PTPRN2: variants seen among roughly 807,000 people sequenced by gnomAD.
PTPRN2 encodes the protein protein tyrosine phosphatase receptor type N2, also known as receptor-type tyrosine-protein phosphatase N2.
A neutral mutation model predicts 118.8 loss-of-function variants in PTPRN2; 74 were observed. The observed-to-expected ratio is 0.62, with a 90% CI of 0.52 to 0.76. The LOEUF is 0.76. Ranked by LOEUF, PTPRN2 falls within the 30% of genes least tolerant of loss-of-function variation. The probability of loss-of-function intolerance (pLI) is 0.00; values close to 1 mark genes in which losing one functional copy is unlikely to be tolerated. For missense variants in PTPRN2, 1,481 were observed against 1,394.4 expected, an observed-to-expected ratio of 1.06 and a Z score of -0.99; for synonymous variants, 641 against 608.0, an observed-to-expected ratio of 1.05 and a Z score of -0.80.
chr7:158,489,337 C>T (rs1044255835), intron 2 of PTPRN2, among the ~76,000 whole-genome samples: 29 of 152,240 alleles, frequency 1.9e-4, no homozygotes, highest in African/African-American at 7.0e-4. Context: ...ATCCCAGCTA[C>T]TCAGGAGGCT....
chr7:158,407,199 GGGTCCTGGGTCCTGC>G (rs1813575887), intron 2 of PTPRN2, among the ~76,000 whole-genome samples: 1 of 29,458 alleles, frequency 3.4e-5, no homozygotes. Flanking sequence ...CCTGGGTCCT[GGGTCCTGGGTCCTGC>G]GTCCTGCGTC....
rs111815472 is a variant in PTPRN2 at position 157,690,377 on chromosome 7, T to C, written c.1789-7440A>G. 6.6e-6 allele frequency among the ~76,000 whole-genome samples: 1 copy of C among 152,138 alleles called. No individual in the cohort carries two copies. Among genetic ancestry groups the C allele is most frequent in the Non-Finnish European group, 1.5e-5 (1 of 68,002 alleles). On this transcript the variant is annotated intron_variant, in intron 12 of 22. Coordinates refer to ENST00000389418, the MANE Select transcript of PTPRN2 (RefSeq NM_002847.5). The surrounding 1 kb of genome is among the most constrained non-coding windows in gnomAD (Gnocchi z 7.1). ...CCCTAGTTGCCCGTTAGAGCCCCCA[T>C]GCGCGCCCTCCAGCCTTCGAAAGCT... is the stretch of plus-strand genomic sequence containing the variant.
intron 2 of PTPRN2, among the ~76,000 whole-genome samples, chr7:158,321,168 C>T (rs1008044377): frequency 5.5e-4 from 84 of 152,254 alleles, no homozygotes; most frequent in African/African-American, 2.0e-3. Context: ...AAGCTCCCAC[C>T]AGTCCAGGCT....
chr7:158,571,196 T>C (rs1314872976), intron 1 of PTPRN2, among the ~76,000 whole-genome samples: 1 of 152,184 alleles, frequency 6.6e-6, no homozygotes, highest in Non-Finnish European at 1.5e-5. Flanking sequence ...GAAAAGCACC[T>C]ATTTCTGGCC....
At chr7:158,010,913 G>C (rs1805999822) in intron 11 of PTPRN2, among the ~76,000 whole-genome samples, 1 of 152,216 alleles carries the variant, frequency 6.6e-6, no homozygotes, top group Admixed American at 6.5e-5. Flanking sequence ...GATGGTCCCA[G>C]GTGGGCAGGG....
intron 17 of PTPRN2, among the ~76,000 whole-genome samples, chr7:157,584,568 A>G (rs1022280004): frequency 1.3e-5 from 2 of 152,272 alleles, no homozygotes; most frequent in African/African-American, 2.4e-5. Context: ...AGCGGTTGCC[A>G]TGAAGATGCA....
chr7:158,376,445 G>T (rs1296017475), intron 2 of PTPRN2, among the ~76,000 whole-genome samples: 1 of 146,136 alleles, frequency 6.8e-6, no homozygotes, highest in Non-Finnish European at 1.5e-5. Context: ...GGGGTTCAGG[G>T]GACTCTCCCA....
chr7:158,146,008 A>G (rs553459020), intron 6 of PTPRN2, among the ~76,000 whole-genome samples: 6 of 152,188 alleles, frequency 3.9e-5, no homozygotes, highest in Admixed American at 6.5e-5. Flanking sequence ...ATAAATTATA[A>G]CTATTATCAT....
chr7:157,748,203 G>GCGGAGTGTC (rs1801138926), intron 12 of PTPRN2, among the ~76,000 whole-genome samples: 1 of 147,946 alleles, frequency 6.8e-6, no homozygotes. Context: ...TCCCTGAGCT[G>GCGGAGTGTC]TGAGCTGTTG....
intron 14 of PTPRN2, among the ~76,000 whole-genome samples, chr7:157,649,463 G>C (rs1318503377): frequency 6.9e-6 from 1 of 144,460 alleles, no homozygotes; most frequent in African/African-American, 2.5e-5. Context: ...CCCATCTAGC[G>C]TGCACTGAAC....
chr7:158,107,146 T>C (rs556379012), intron 10 of PTPRN2, among the ~76,000 whole-genome samples: 27 of 152,184 alleles, frequency 1.8e-4, no homozygotes, highest in African/African-American at 6.3e-4. Context: ...CCCCCTTCTC[T>C]TCCCTTACCT....
Position 157,581,767 on chromosome 7 carries a change from G to T in PTPRN2, c.2497-3627C>A, listed in dbSNP as rs974884501. ...GCTTATATTGACGTCCTAATCCCTGGTATCTATGAATGTGGCCTTATTTGG... is the reference window on the plus strand; with the variant it reads ...GCTTATATTGACGTCCTAATCCCTGTTATCTATGAATGTGGCCTTATTTGG... On this transcript the variant is annotated intron_variant, in intron 17 of 22. Coordinates refer to ENST00000389418, the MANE Select transcript of PTPRN2 (RefSeq NM_002847.5). 2.0e-5 allele frequency among the ~76,000 whole-genome samples: 3 copies of T among 152,264 alleles called. No individual in the cohort carries two copies. In the South Asian group the frequency reaches 6.2e-4, roughly 31 times the overall value.
rs1796386607 is a variant in PTPRN2 at position 157,671,067 on chromosome 7, TG to T, written c.2001+11657del. On this transcript the variant is annotated intron_variant, in intron 13 of 22. Transcript: ENST00000389418. The surrounding 1 kb of genome is among the most constrained non-coding windows in gnomAD (Gnocchi z 4.1). ...CGGGCAGGACTCTGGACCTGAGAAT[TG>T]CACAGGATGGTTTCCAAGAGGGTTT... is the stretch of plus-strand genomic sequence containing the variant. Among the ~76,000 whole-genome samples the T allele has an allele frequency of 6.6e-6, 1 of 152,154 alleles. No homozygotes were observed. Among genetic ancestry groups the T allele is most frequent in the Non-Finnish European group, 1.5e-5 (1 of 68,016 alleles).
At chr7:158,476,547 C>T (rs925150224) in intron 2 of PTPRN2, among the ~76,000 whole-genome samples, 6 of 152,208 alleles carry the variant, frequency 3.9e-5, no homozygotes, top group Admixed American at 1.3e-4. Context: ...GCACAGACGC[C>T]GCTCGGGAGG....
chr7:157,878,969 C>T (rs1454470225), intron 12 of PTPRN2, among the ~76,000 whole-genome samples: 11 of 139,228 alleles, frequency 7.9e-5, no homozygotes, highest in African/African-American at 3.1e-4. Flanking sequence ...TACCATGCAC[C>T]CACGCTTACT....
intron 3 of PTPRN2, among the ~76,000 whole-genome samples, chr7:158,291,257 T>C (rs1317479712): frequency 6.6e-6 from 1 of 152,252 alleles, no homozygotes; most frequent in Non-Finnish European, 1.5e-5. Context: ...CTTTGTATTA[T>C]TCAAGATGTC....
At chr7:158,169,107 C>T (rs1823290083) in intron 5 of PTPRN2, among the ~76,000 whole-genome samples, 1 of 152,194 alleles carries the variant, frequency 6.6e-6, no homozygotes, top group Non-Finnish European at 1.5e-5. Context: ...GTGCAGCCAT[C>T]ACTGACAGTA....
intron 1 of PTPRN2, among the ~76,000 whole-genome samples, chr7:158,518,840 C>T (rs1479463112): frequency 6.6e-6 from 1 of 152,104 alleles, no homozygotes; most frequent in Admixed American, 6.5e-5. Flanking sequence ...CAAAAATTAG[C>T]TGGGCATGTT....
chr7:158,079,943 G>T (rs1034085153), intron 11 of PTPRN2, among the ~76,000 whole-genome samples: 1 of 152,174 alleles, frequency 6.6e-6, no homozygotes, highest in African/African-American at 2.4e-5. Flanking sequence ...TGAGACTGGG[G>T]ACTCAAGTCT....
Sources: gnomAD v4.1 joint callset for allele counts (sites outside exome capture counted in the v4.1 genomes callset) on GRCh38, gnomAD v4.1.1 for gene constraint, Gnocchi (gnomAD v3.1) non-coding constraint, MANE v1.5 for transcripts, NCBI Gene and HGNC (gene_info 2026-07-23, HGNC 2026-07-21) for gene names.